GGA3: variants seen among roughly 807,000 people sequenced by gnomAD.
GGA3 encodes the protein golgi associated, gamma adaptin ear containing, ARF binding protein 3.
Under a neutral mutation model 77.5 loss-of-function variants are expected in GGA3, and 57 were observed. That is an observed-to-expected ratio of 0.74 (90% CI 0.59 to 0.92). GGA3 has a LOEUF of 0.92. Among genes scored for constraint, GGA3 ranks in the 40% least tolerant of loss-of-function variants. GGA3 has a pLI of 0.00. For synonymous variants in GGA3, 416 were observed against 383.7 expected, an observed-to-expected ratio of 1.08 and a Z score of -0.98; for missense variants, 970 against 914.9, an observed-to-expected ratio of 1.06 and a Z score of -0.78.
chr17:75,262,061 G>C, upstream of GGA3: 1 of 1,518,584 alleles, frequency 6.6e-7, no homozygotes, highest in East Asian at 2.3e-5. Context: ...TGGGCCCCTA[G>C]AGAGAGCATT....
rs572243800 is a variant in GGA3 at position 75,239,168 on chromosome 17, C to T, written c.1781-85G>A. 1.5e-4 allele frequency: 190 copies of T among 1,300,734 alleles called. 1 individual carries two copies. In the African/African-American group the frequency reaches 1.9e-3, roughly 13 times the overall value. The allele number at this position is 1,300,734 out of a possible 1,614,324, so 80.6% of individuals were successfully genotyped here. A position where few individuals can be genotyped will look rare whatever the true frequency, so the allele number is the denominator to read the frequency against. ...GGCGGTGAGGAGAAAAGGGCTACTC[C>T]GTGGTCATGATGAGTCCAGTGCTTC... On this transcript the variant is annotated intron_variant, in intron 14 of 16. Coordinates refer to ENST00000537686, the MANE Select transcript of GGA3 (RefSeq NM_138619.4).
At chr17:75,255,669 C>G (rs2077126221) in intron 1 of GGA3, among the ~76,000 whole-genome samples, 1 of 152,228 alleles carries the variant, frequency 6.6e-6, no homozygotes, top group African/African-American at 2.4e-5. Context: ...CCCCATTTTA[C>G]CTGTCCTAAA....
Position 75,241,698 on chromosome 17 carries a change from TGAAA to T in GGA3, c.748-6_748-3del, listed in dbSNP as rs778562309. ...GTTCTCACACTGATCAAACAGCTCC[TGAAA>T]GAGACTCGGACATAAAAATCAAACC... On this transcript the variant is annotated splice_polypyrimidine_tract_variant and splice_region_variant and intron_variant, in intron 8 of 16. Coordinates refer to ENST00000537686, the MANE Select transcript of GGA3 (RefSeq NM_138619.4). The T allele has an allele frequency of 1.9e-6, 3 of 1,613,198 alleles. No homozygotes were observed. In the South Asian group the frequency reaches 3.3e-5, roughly 18 times the overall value.
chr17:75,259,236 G>C (rs1188662788), intron 1 of GGA3, among the ~76,000 whole-genome samples: 1 of 152,140 alleles, frequency 6.6e-6, no homozygotes. Context: ...TTACAGGAGA[G>C]TTCTTCATCC....
chr17:75,261,658 G>A (rs1598472749), upstream of GGA3: 1 of 1,403,652 alleles, frequency 7.1e-7, no homozygotes, highest in Non-Finnish European at 9.5e-7. Context: ...GGCGGGGCCT[G>A]CATGGGGTCC....
rs2076359241 is a variant in GGA3 at position 75,237,490 on chromosome 17, A to AGTGG, written c.*788_*789insCCAC. The AGTGG allele has an allele frequency of 6.5e-7, 1 of 1,535,830 alleles. No individual in the cohort carries two copies. On this transcript the variant is annotated 3_prime_UTR_variant, in exon 17 of 17. Transcript: ENST00000537686. ...GTAGTCAGTAGGATGGCCTGTCCCC[A>AGTGG]CGGCTGGAGGCACGCTTTTCCCAGA... is the stretch of plus-strand genomic sequence containing the variant.
intron 10 of GGA3, 72 bp from the exon 11 acceptor site, chr17:75,241,129 C>A: frequency 6.4e-7 from 1 of 1,551,792 alleles, no homozygotes; most frequent in Non-Finnish European, 8.9e-7. Flanking sequence ...GAGGCAGCAC[C>A]CTAGGCACAG....
chr17:75,236,985 T>G lies in GGA3; in HGVS notation c.*1294A>C. The G allele has an allele frequency of 5.6e-6, 1 of 177,918 alleles. No homozygotes were observed. The highest frequency in any genetic ancestry group is 1.2e-5 in the Non-Finnish European group (1 of 82,218). The allele number at this position is 177,918 out of a possible 1,614,324, so 11.0% of individuals were successfully genotyped here. ...GGCAGGGAGGAACCAGGGAACATGGTCTGTGCCACCTTCCTTTCCCCAGAG... is the reference window on the plus strand; with the variant it reads ...GGCAGGGAGGAACCAGGGAACATGGGCTGTGCCACCTTCCTTTCCCCAGAG... On this transcript the variant is annotated 3_prime_UTR_variant, in exon 17 of 17. Coordinates refer to ENST00000537686, the MANE Select transcript of GGA3 (RefSeq NM_138619.4).
rs150599810 is a variant in GGA3, at chr17:75,238,288, C to T, written c.2163G>A (p.Gly721=). Residue 721 remains glycine, a synonymous_variant, in exon 17 of 17, where the codon GGG becomes GGA. Coordinates refer to ENST00000537686, the MANE Select transcript of GGA3 (RefSeq NM_138619.4). ...VDQFPPVEQW[G]NL ...ACAGCGTCCTCTGGGGTCATAGGTT[C>T]CCCCACTGTTCCACAGGAGGGAACT... 5.1e-5 allele frequency: 83 copies of T among 1,612,906 alleles called. No homozygotes were observed. The highest frequency in any genetic ancestry group is 2.8e-4 in the African/African-American group (21 of 74,994).
In GGA3 at chr17:75,237,177, CAATAGGGTCTGG is replaced by C; in HGVS notation, c.*1090_*1101del. ...TGGCGGGGGCCAAGCACTGTTGAAG[CAATAGGGTCTGG>C]TGACTCAGCTCAAGTGTGGCCCGAT... On this transcript the variant is annotated 3_prime_UTR_variant, in exon 17 of 17. Transcript: ENST00000537686. 1 of 500,376 alleles carries C rather than the reference CAATAGGGTCTGG, an allele frequency of 2.0e-6. No individual in the cohort carries two copies. The highest frequency in any genetic ancestry group is 1.9e-5 in the African/African-American group (1 of 52,354). The allele number at this position is 500,376 out of a possible 1,614,324, so 31.0% of individuals were successfully genotyped here. A position where few individuals can be genotyped will look rare whatever the true frequency, so the allele number is the denominator to read the frequency against.
intron 11 of GGA3, 130 bp from the exon 12 acceptor site, chr17:75,240,542 A>G: frequency 1.4e-6 from 1 of 692,298 alleles, no homozygotes; most frequent in Non-Finnish European, 2.5e-6. Flanking sequence ...GCTGTTCTGC[A>G]GGCAGCCTCC....
rs749174702 is a variant in GGA3, at chr17:75,239,040, G to A, written c.1824C>T (p.Arg608=). 6.2e-7 allele frequency: 1 copy of A among 1,613,984 alleles called. No homozygotes were observed. Among genetic ancestry groups the A allele is most frequent in the Non-Finnish European group, 8.5e-7 (1 of 1,179,992 alleles). The change falls in exon 15 of 17, where the codon CGC becomes CGT. Residue 608 remains arginine (R), a synonymous_variant. Coordinates refer to ENST00000537686, the MANE Select transcript of GGA3 (RefSeq NM_138619.4). The part of the protein sequence containing the change: ...PVTAYDKNGF[R]ILFHFAKECP... ...ACTCCTTGGCAAAGTGGAAGAGGAT[G>A]CGGAAGCCGTTTTTATCGTAGGCTG...
chr17:75,237,597 G>A lies in GGA3; in HGVS notation c.*682C>T. Reference sequence around the variant, plus strand: ...CTATCCCTAGTTGGGCCTGTCATGAGGCCAAATTCCATGTCCTGCCAAGAT... The same window carrying A: ...CTATCCCTAGTTGGGCCTGTCATGAAGCCAAATTCCATGTCCTGCCAAGAT... On this transcript the variant is annotated 3_prime_UTR_variant, in exon 17 of 17. Transcript: ENST00000537686. 1 of 1,533,634 alleles carries A rather than the reference G, an allele frequency of 6.5e-7. No individual in the cohort carries two copies. The highest frequency in any genetic ancestry group is 8.7e-7 in the Non-Finnish European group (1 of 1,145,380).
intron 1 of GGA3, among the ~76,000 whole-genome samples, chr17:75,254,869 AC>A (rs1341902862): frequency 1.3e-5 from 2 of 152,122 alleles, no homozygotes; most frequent in African/African-American, 4.8e-5. Flanking sequence ...AAATCTGGCC[AC>A]CGAGCCAAGG....
chr17:75,257,708 G>A (rs1241391694), intron 1 of GGA3, among the ~76,000 whole-genome samples: 2 of 151,960 alleles, frequency 1.3e-5, no homozygotes, highest in African/African-American at 2.4e-5. Context: ...CCCACTCTAG[G>A]TTCCCACGCC....
intron 1 of GGA3, among the ~76,000 whole-genome samples, chr17:75,254,621 A>T (rs1346147078): frequency 6.6e-6 from 1 of 152,154 alleles, no homozygotes; most frequent in African/African-American, 2.4e-5. Flanking sequence ...AACTCCAAAA[A>T]TTAAATTCCG....
At chr17:75,255,030 C>T (rs903822836) in intron 1 of GGA3, among the ~76,000 whole-genome samples, 1 of 152,224 alleles carries the variant, frequency 6.6e-6, no homozygotes, top group East Asian at 1.9e-4. Context: ...ATCTTCTCGG[C>T]TTAACGGCTG....
intron 8 of GGA3, 58 bp from the exon 9 acceptor site, chr17:75,241,754 T>G: frequency 7.1e-7 from 1 of 1,411,590 alleles, no homozygotes; most frequent in Non-Finnish European, 1.0e-6. Context: ...ATCATCTGAT[T>G]CATTCAGGGT....
chr17:75,250,439 G>A (rs1488957932), intron 1 of GGA3, among the ~76,000 whole-genome samples: 1 of 152,190 alleles, frequency 6.6e-6, no homozygotes, highest in African/African-American at 2.4e-5. Context: ...CCCCATTCCA[G>A]CACGGCTCAA....
Sources: gnomAD v4.1 joint callset for allele counts (sites outside exome capture counted in the v4.1 genomes callset) on GRCh38, gnomAD v4.1.1 for gene constraint, MANE v1.5 for transcripts, NCBI Gene and HGNC (gene_info 2026-07-23, HGNC 2026-07-21) for gene names.